Variants in MVB12B observed in about 807,000 individuals in gnomAD.
MVB12B encodes the protein ESCRT-I complex subunit MVB12B.
A neutral mutation model predicts 41.6 loss-of-function variants in MVB12B; 16 were observed. The ratio of observed to expected loss-of-function variants is 0.38; its 90% CI spans 0.26 to 0.58. MVB12B has a LOEUF of 0.58. Among genes scored for constraint, MVB12B ranks in the 20% least tolerant of loss-of-function variants. The probability of loss-of-function intolerance (pLI) is 0.62; values close to 1 mark genes in which losing one functional copy is unlikely to be tolerated. For synonymous variants in MVB12B, 133 were observed against 139.7 expected, an observed-to-expected ratio of 0.95 and a Z score of 0.34; for missense variants, 274 against 380.2, an observed-to-expected ratio of 0.72 and a Z score of 2.32.
intron 7 of MVB12B, among the ~76,000 whole-genome samples, chr9:126,437,861 GTT>G (rs1248434797): frequency 6.6e-6 from 1 of 152,146 alleles, no homozygotes; most frequent in African/African-American, 2.4e-5. Context: ...TTGTGATGGA[GTT>G]TGGAGTAAAA....
At chr9:126,469,157 T>C (rs1443394096) in intron 7 of MVB12B, among the ~76,000 whole-genome samples, 4 of 152,118 alleles carry the variant, frequency 2.6e-5, no homozygotes, top group African/African-American at 9.7e-5. Context: ...GCCTGGGTGA[T>C]AGAGCAAAAG....
rs573214061 is a variant in MVB12B at position 126,431,128 on chromosome 9, A to G, written c.757+9180A>G. ...CATCTTCTTAGCCGTGTGCTTCCTT[A>G]TATAATTTTGATATATAAGATTACT... On this transcript the variant is annotated intron_variant, in intron 7 of 9. Transcript: ENST00000361171. 3.3e-5 allele frequency among the ~76,000 whole-genome samples: 5 copies of G among 152,362 alleles called. No individual in the cohort carries two copies. The East Asian group carries it at 7.7e-4, about 24-fold the overall frequency.
At chr9:126,396,831 A>G (rs762002060) in intron 6 of MVB12B, 64 of 985,360 alleles carry the variant, frequency 6.5e-5, no homozygotes, top group Non-Finnish European at 7.6e-5. Flanking sequence ...AAAGATAGGA[A>G]TCTCTAATAA....
rs535039056 is a variant in MVB12B at position 126,340,394 on chromosome 9, G to A, written c.82-114G>A. 6.8e-6 allele frequency: 8 copies of A among 1,178,028 alleles called. No homozygotes were observed. In the Admixed American group the frequency reaches 1.1e-4, roughly 17 times the overall value. The allele number at this position is 1,178,028 out of a possible 1,614,324, so 73.0% of individuals were successfully genotyped here. On this transcript the variant is annotated intron_variant, in intron 1 of 9. Transcript: ENST00000361171. The surrounding 1 kb of genome is among the most constrained non-coding windows in gnomAD (Gnocchi z 4.0). ...GTCAGGACTCATTCAACCAGTACAG[G>A]TATGTGAAACTCAGGGTATTTGCCC...
At chr9:126,447,076 C>A (rs1832790995) in intron 7 of MVB12B, among the ~76,000 whole-genome samples, 1 of 151,044 alleles carries the variant, frequency 6.6e-6, no homozygotes, top group Admixed American at 6.6e-5. Context: ...TCCTGAGTAG[C>A]TAGGACTACA....
At chr9:126,454,791 T>G (rs1242915498) in intron 7 of MVB12B, among the ~76,000 whole-genome samples, 1 of 151,896 alleles carries the variant, frequency 6.6e-6, no homozygotes, top group South Asian at 2.1e-4. Flanking sequence ...TAATTGAGTT[T>G]TTTTTTTTTT....
chr9:126,470,962 C>T (rs1833303979), intron 7 of MVB12B, among the ~76,000 whole-genome samples: 1 of 152,158 alleles, frequency 6.6e-6, no homozygotes, highest in African/African-American at 2.4e-5. Context: ...AGTTACTGAG[C>T]AGTTCGTTCG....
intron 2 of MVB12B, among the ~76,000 whole-genome samples, chr9:126,349,357 C>T (rs1262597247): frequency 6.6e-6 from 1 of 152,108 alleles, no homozygotes; most frequent in Non-Finnish European, 1.5e-5. Context: ...AAGTCATTCA[C>T]CTAGGAGGGG....
rs193101077 is a variant in MVB12B, at chr9:126,421,519, G to A, written c.663-335G>A. ...CCTGGGTTGTTACGGTCTTGCTGGT[G>A]CATTTTGCCCAGTGGGCAGAGATCT... On this transcript the variant is annotated intron_variant, in intron 6 of 9. Transcript: ENST00000361171. 1.5e-3 allele frequency among the ~76,000 whole-genome samples: 232 copies of A among 152,330 alleles called. 1 individual carries two copies. Among genetic ancestry groups the A allele is most frequent in the Admixed American group, 4.3e-3 (66 of 15,306 alleles).
At position 126,486,568 on chromosome 9, in the gene MVB12B, C is replaced by A. The variant is rs983537000; in HGVS notation, c.873+2536C>A. On this transcript the variant is annotated intron_variant, in intron 9 of 9. Coordinates refer to ENST00000361171, the MANE Select transcript of MVB12B (RefSeq NM_033446.3). This position sits in a 1 kb window ranked among gnomAD's most constrained non-coding sequence, Gnocchi z 4.7. ...AGGTGGGACGTGCTGGCAGCAGCGG[C>A]CTCAGCGTCGAGCCATCTCCCCTCC... is the stretch of plus-strand genomic sequence containing the variant. Among the ~76,000 whole-genome samples the A allele has an allele frequency of 3.9e-5, 6 of 152,208 alleles. No individual in the cohort carries two copies. The highest frequency in any genetic ancestry group is 8.8e-5 in the Non-Finnish European group (6 of 68,032).
intron 1 of MVB12B, among the ~76,000 whole-genome samples, chr9:126,328,359 C>T (rs1221163088): frequency 6.6e-6 from 1 of 152,130 alleles, no homozygotes; most frequent in African/African-American, 2.4e-5. Flanking sequence ...TCATTCCTTC[C>T]TTCTAGGCTT....
intron 7 of MVB12B, among the ~76,000 whole-genome samples, chr9:126,452,417 A>C (rs1832903626): frequency 6.6e-6 from 1 of 152,112 alleles, no homozygotes; most frequent in Non-Finnish European, 1.5e-5. Flanking sequence ...ACGTGTGCAG[A>C]CCCTGCGGGC....
At chr9:126,445,220 T>C (rs1018016413) in intron 7 of MVB12B, among the ~76,000 whole-genome samples, 1 of 152,254 alleles carries the variant, frequency 6.6e-6, no homozygotes, top group Non-Finnish European at 1.5e-5. Context: ...TATTATTCAG[T>C]AACATATTAT....
At position 126,503,295 on chromosome 9, in the gene MVB12B, G is replaced by C. The variant is rs540211732; in HGVS notation, c.*32G>C. On this transcript the variant is annotated 3_prime_UTR_variant, in exon 10 of 10. Coordinates refer to ENST00000361171, the MANE Select transcript of MVB12B (RefSeq NM_033446.3). ...AGCGGCCACCTGCGGGGAGACCACC[G>C]CCGCCCAGACTACTGACGGCAGGGG... 216 of 1,530,122 alleles carry C rather than the reference G, an allele frequency of 1.4e-4. 1 individual carries two copies. The highest frequency in any genetic ancestry group is 7.9e-4 in the Admixed American group (40 of 50,832). The allele number at this position is 1,530,122 out of a possible 1,614,324, so 94.8% of individuals were successfully genotyped here.
chr9:126,417,188 T>G (rs921755708), intron 6 of MVB12B, among the ~76,000 whole-genome samples: 1 of 152,234 alleles, frequency 6.6e-6, no homozygotes, highest in African/African-American at 2.4e-5. Context: ...CCTGCTGCTC[T>G]CTGACTGCTG....
intron 7 of MVB12B, among the ~76,000 whole-genome samples, chr9:126,445,467 C>A (rs1206795990): frequency 1.3e-5 from 2 of 152,056 alleles, no homozygotes; most frequent in Non-Finnish European, 2.9e-5. Context: ...CCACACCTGG[C>A]TAATTTTTGT....
Position 126,376,768 on chromosome 9 carries a change from G to A in MVB12B, c.205-4296G>A, listed in dbSNP as rs972581203. 81 of 1,214,572 alleles carry A rather than the reference G, an allele frequency of 6.7e-5. No homozygotes were observed. Among genetic ancestry groups the A allele is most frequent in the African/African-American group, 4.7e-5 (3 of 63,960 alleles). The allele number at this position is 1,214,572 out of a possible 1,614,324, so 75.2% of individuals were successfully genotyped here. On this transcript the variant is annotated intron_variant, in intron 2 of 9. Coordinates refer to ENST00000361171, the MANE Select transcript of MVB12B (RefSeq NM_033446.3). The surrounding 1 kb of genome is among the most constrained non-coding windows in gnomAD (Gnocchi z 4.1). Reference sequence around the variant, plus strand: ...CCTCCAGCCTCCTTCCCCACCTGCCGGGCTTGTAGAGTCCTGAGCTGTGCT... The same window carrying A: ...CCTCCAGCCTCCTTCCCCACCTGCCAGGCTTGTAGAGTCCTGAGCTGTGCT...
intron 9 of MVB12B, among the ~76,000 whole-genome samples, chr9:126,489,029 C>CTGAT (rs1186199166): frequency 6.6e-6 from 1 of 152,260 alleles, no homozygotes; most frequent in Non-Finnish European, 1.5e-5. Context: ...CTGCCCAGCA[C>CTGAT]TGATTGACAA....
At chr9:126,357,631 C>T (rs1357440197) in intron 2 of MVB12B, among the ~76,000 whole-genome samples, 1 of 150,976 alleles carries the variant, frequency 6.6e-6, no homozygotes, top group Non-Finnish European at 1.5e-5. Context: ...ATTAGTATAA[C>T]TTCTTTGGTG....
Sources: gnomAD v4.1 joint callset for allele counts (sites outside exome capture counted in the v4.1 genomes callset) on GRCh38, gnomAD v4.1.1 for gene constraint, Gnocchi (gnomAD v3.1) non-coding constraint, MANE v1.5 for transcripts, NCBI Gene and HGNC (gene_info 2026-07-23, HGNC 2026-07-21) for gene names.